Variants in ZFHX3 observed in about 807,000 individuals in gnomAD.
ZFHX3 encodes the protein zinc finger homeobox protein 3.
In ZFHX3, 42 loss-of-function variants were observed where a neutral mutation model predicts 279.1. That is an observed-to-expected ratio of 0.15 (90% CI 0.12 to 0.19). ZFHX3 has a LOEUF of 0.19. ZFHX3 is among the 10% of genes least tolerant of loss of function. The pLI is 1.00. For missense variants in ZFHX3, 4,981 were observed against 4,754.0 expected (o/e 1.05, Z -1.40); for synonymous variants, 2,293 against 1,957.8 (o/e 1.17, Z -4.52).
chr16:73,322,863 T>G (rs1307058455), intron 3 of ZFHX3, among the ~76,000 whole-genome samples: 1 of 152,250 alleles, frequency 6.6e-6, no homozygotes, highest in Non-Finnish European at 1.5e-5. Context: ...ATGGTCTAGC[T>G]GACGGTCAGC....
At chr16:73,649,942 G>C (rs750667570) in intron 2 of ZFHX3, among the ~76,000 whole-genome samples, 3 of 152,210 alleles carry the variant, frequency 2.0e-5, no homozygotes, top group Non-Finnish European at 4.4e-5. Flanking sequence ...ATCTGGATGT[G>C]AGTCACGGCT....
intron 1 of ZFHX3, among the ~76,000 whole-genome samples, chr16:73,796,200 C>T (rs1959981355): frequency 6.6e-6 from 1 of 152,118 alleles, no homozygotes; most frequent in African/African-American, 2.4e-5. Context: ...TTTAAAATAG[C>T]ACAAAGTATT....
At chr16:72,980,242 C>A (rs1386134694) in intron 1 of ZFHX3, among the ~76,000 whole-genome samples, 1 of 152,206 alleles carries the variant, frequency 6.6e-6, no homozygotes, top group Non-Finnish European at 1.5e-5. Context: ...TACTCCGCAT[C>A]ATCCTTTTAA....
intron 5 of ZFHX3, among the ~76,000 whole-genome samples, chr16:73,189,724 G>T (rs1192082873): frequency 6.6e-6 from 1 of 152,122 alleles, no homozygotes; most frequent in East Asian, 1.9e-4. Context: ...AGTTGTCTTG[G>T]GCATTCCCCC....
intron 7 of ZFHX3, among the ~76,000 whole-genome samples, chr16:73,109,916 A>T (rs949585800): frequency 6.6e-6 from 1 of 152,180 alleles, no homozygotes; most frequent in Admixed American, 6.5e-5. Context: ...AAGCTTTTCA[A>T]AGTAAACAAA....
chr16:73,657,838 T>A (rs2052738228), intron 2 of ZFHX3, among the ~76,000 whole-genome samples: 1 of 152,224 alleles, frequency 6.6e-6, no homozygotes, highest in Non-Finnish European at 1.5e-5. Context: ...ATTTTGTTTA[T>A]CCATTCATCA....
chr16:73,576,208 C>G (rs1355041473), intron 2 of ZFHX3, among the ~76,000 whole-genome samples: 1 of 152,128 alleles, frequency 6.6e-6, no homozygotes, highest in Non-Finnish European at 1.5e-5. Context: ...ACTCCGTAAT[C>G]TGTACATACG....
chr16:73,867,052 T>C (rs1169930169), intron 1 of ZFHX3, among the ~76,000 whole-genome samples: 1 of 151,930 alleles, frequency 6.6e-6, no homozygotes, highest in African/African-American at 2.4e-5. Context: ...AGGCATCCCA[T>C]AGACTGAGAA....
intron 2 of ZFHX3, chr16:73,487,332 A>T (rs2018993125): frequency 2.9e-6 from 1 of 341,638 alleles, no homozygotes; most frequent in African/African-American, 2.2e-5. Context: ...TGTCTTCTGA[A>T]CCCATCTCAG....
chr16:73,429,966 C>A (rs2017883761), intron 3 of ZFHX3, among the ~76,000 whole-genome samples: 1 of 152,212 alleles, frequency 6.6e-6, no homozygotes, highest in African/African-American at 2.4e-5. Flanking sequence ...CTGCTCACTG[C>A]AGCCTTGACC....
chr16:72,903,203 G>C (rs1597363271), intron 3 of ZFHX3, among the ~76,000 whole-genome samples: 1 of 152,180 alleles, frequency 6.6e-6, no homozygotes, highest in Non-Finnish European at 1.5e-5. Flanking sequence ...CATGCTAAGG[G>C]CAGGTCCCGC....
intron 6 of ZFHX3, among the ~76,000 whole-genome samples, chr16:73,136,456 G>C (rs1047204484): frequency 4.6e-5 from 7 of 152,140 alleles, no homozygotes; most frequent in African/African-American, 1.7e-4. Flanking sequence ...GGGAGCGGTG[G>C]CTCATGCCTG....
At chr16:73,516,893 A>T (rs918280245) in intron 2 of ZFHX3, among the ~76,000 whole-genome samples, 1 of 152,208 alleles carries the variant, frequency 6.6e-6, no homozygotes, top group Non-Finnish European at 1.5e-5. Context: ...CTGTCTAGTT[A>T]TACATCAATG....
intron 4 of ZFHX3, among the ~76,000 whole-genome samples, chr16:72,852,883 GTTAAACTATCCGT>G (rs2037654292): frequency 6.6e-6 from 1 of 152,212 alleles, no homozygotes. Context: ...TAAGTCATTA[GTTAAACTATCCGT>G]TCATGCCTCC....
intron 4 of ZFHX3, among the ~76,000 whole-genome samples, chr16:72,855,728 C>T (rs2037739176): frequency 6.6e-6 from 1 of 152,144 alleles, no homozygotes; most frequent in Non-Finnish European, 1.5e-5. Context: ...CAGAGAAACG[C>T]AGGGGTCCTT....
chr16:73,442,150 C>A (rs2143539324), intron 3 of ZFHX3, among the ~76,000 whole-genome samples: 1 of 152,180 alleles, frequency 6.6e-6, no homozygotes, highest in East Asian at 1.9e-4. Context: ...GGAGCTGAGA[C>A]AAGTCTCTCC....
intron 1 of ZFHX3, among the ~76,000 whole-genome samples, chr16:73,793,920 G>C (rs1959909014): frequency 6.6e-6 from 1 of 151,638 alleles, no homozygotes; most frequent in Admixed American, 6.6e-5. Flanking sequence ...TAGCCTTTGG[G>C]TGGTGATTGG....
At chr16:72,960,259 T>C in intron 1 of ZFHX3, 65 bp from the exon 2 acceptor site, 2 of 1,324,400 alleles carry the variant, frequency 1.5e-6, no homozygotes, top group Non-Finnish European at 2.0e-6. Flanking sequence ...GGAAAGAGGT[T>C]AGGAGGGCCG....
intron 2 of ZFHX3, among the ~76,000 whole-genome samples, chr16:73,469,171 G>A (rs2018620833): frequency 6.6e-6 from 1 of 152,186 alleles, no homozygotes; most frequent in African/African-American, 2.4e-5. Flanking sequence ...TCTGAACCTT[G>A]GAAAGGACAG....
Sources: gnomAD v4.1 joint callset for allele counts (sites outside exome capture counted in the v4.1 genomes callset) on GRCh38, gnomAD v4.1.1 for gene constraint, MANE v1.5 for transcripts, NCBI Gene and HGNC (gene_info 2026-07-23, HGNC 2026-07-21) for gene names.